CPAMD8: variants seen among roughly 807,000 people sequenced by gnomAD.
CPAMD8 encodes the protein C3 and PZP-like alpha-2-macroglobulin domain-containing protein 8.
Under a neutral mutation model 224.7 loss-of-function variants are expected in CPAMD8, and 146 were observed. That is an observed-to-expected ratio of 0.65 (90% CI 0.57 to 0.75). CPAMD8 has a LOEUF of 0.75. Among genes scored for constraint, CPAMD8 ranks in the 30% least tolerant of loss-of-function variants. The pLI is 0.00. For missense variants in CPAMD8, 2,301 were observed against 2,537.5 expected (o/e 0.91, Z 2.00); for synonymous variants, 966 against 1,044.6 (o/e 0.92, Z 1.45).
At chr19:16,953,068 C>T (rs76243135) in intron 19 of CPAMD8, among the ~76,000 whole-genome samples, 150 of 152,060 alleles carry the variant, frequency 9.9e-4, no homozygotes, top group African/African-American at 3.3e-3. Context: ...TAAACCTTGA[C>T]GACACAGATA....
chr19:16,928,478 C>A (rs1394434029), intron 24 of CPAMD8, among the ~76,000 whole-genome samples: 5 of 152,186 alleles, frequency 3.3e-5, no homozygotes, highest in African/African-American at 1.2e-4. Flanking sequence ...AACCTCTGGA[C>A]CTTTGCACAT....
Position 16,914,654 on chromosome 19 carries a change from C to T in CPAMD8, c.3786+3G>A, listed in dbSNP as rs765882721. ...CGGGAAGGAGGCTCAAGGGGCCACT[C>T]ACCTGGATGTCCTTGTTCAGGACCC... On this transcript the variant is annotated splice_donor_region_variant and intron_variant, in intron 28 of 41. Transcript: ENST00000443236. The T allele has an allele frequency of 4.3e-6, 7 of 1,613,848 alleles. No individual in the cohort carries two copies. Among genetic ancestry groups the T allele is most frequent in the African/African-American group, 1.3e-5 (1 of 74,956 alleles).
chr19:17,011,274 G>A (rs557793588), intron 5 of CPAMD8, among the ~76,000 whole-genome samples, 190 bp downstream of exon 5: 1 of 152,112 alleles, frequency 6.6e-6, no homozygotes, highest in Non-Finnish European at 1.5e-5. Context: ...GGGGCAGTGG[G>A]CCAGGCACGC....
rs752654523 is a variant in CPAMD8, at chr19:16,893,064, C to G, written c.*44G>C. ...GCTGGGTGTGTGGGTATGAATGGTC[C>G]CCAGGACCAAACTGCGGTCCCACAA... On this transcript the variant is annotated 3_prime_UTR_variant, in exon 42 of 42. Transcript: ENST00000443236. 1.2e-4 allele frequency: 108 copies of G among 901,046 alleles called. No individual in the cohort carries two copies. Among genetic ancestry groups the G allele is most frequent in the Non-Finnish European group, 2.0e-4 (106 of 531,150 alleles). The allele number at this position is 901,046 out of a possible 1,614,324, so 55.8% of individuals were successfully genotyped here.
intron 2 of CPAMD8, 56 bp downstream of exon 2, chr19:17,021,974 G>C (rs1193851539): frequency 7.4e-7 from 1 of 1,359,776 alleles, no homozygotes; most frequent in Non-Finnish European, 9.7e-7. Context: ...AGGCCAGCAA[G>C]TGGCTCCACT....
rs1038277871 is a variant in CPAMD8, at chr19:16,899,067, C to T, written c.4848+408G>A. Among the ~76,000 whole-genome samples the T allele has an allele frequency of 6.6e-5, 10 of 152,122 alleles. No homozygotes were observed. Among genetic ancestry groups the T allele is most frequent in the Admixed American group, 2.0e-4 (3 of 15,270 alleles). ...TCCCAAATAGCTGGGATTACAGTAG[C>T]GTGCCATCACACCTGGCTAATTTTT... is the stretch of plus-strand genomic sequence containing the variant. On this transcript the variant is annotated intron_variant, in intron 37 of 41. Coordinates refer to ENST00000443236, the MANE Select transcript of CPAMD8 (RefSeq NM_015692.5). The surrounding 1 kb of genome is among the most constrained non-coding windows in gnomAD (Gnocchi z 5.4).
chr19:16,992,237 C>T (rs553519622), intron 12 of CPAMD8, among the ~76,000 whole-genome samples: 1 of 152,232 alleles, frequency 6.6e-6, no homozygotes, highest in South Asian at 2.1e-4. Context: ...TGTCTGCCTG[C>T]CTGGGCCCGC....
chr19:16,914,374 G>A (rs369980688), intron 29 of CPAMD8, 50 bp downstream of exon 29: 545 of 1,483,602 alleles, frequency 3.7e-4, no homozygotes, highest in Non-Finnish European at 4.9e-4. Context: ...CCTTCCATTT[G>A]CTCCTCCAGT....
intron 11 of CPAMD8, among the ~76,000 whole-genome samples, chr19:16,994,971 C>T (rs1320864023): frequency 6.6e-6 from 1 of 152,154 alleles, no homozygotes; most frequent in African/African-American, 2.4e-5. Flanking sequence ...CCAGCCTAAC[C>T]ACTCCTTTCT....
intron 28 of CPAMD8, 52 bp from the exon 29 acceptor site, chr19:16,914,550 C>A (rs760175629): frequency 1.8e-5 from 29 of 1,606,980 alleles, no homozygotes; most frequent in Non-Finnish European, 2.5e-5. Context: ...CAGTCCACTT[C>A]CCCCCACTTC....
intron 18 of CPAMD8, among the ~76,000 whole-genome samples, chr19:16,958,605 A>G (rs530356540): frequency 1.3e-5 from 2 of 152,294 alleles, no homozygotes; most frequent in Non-Finnish European, 2.9e-5. Flanking sequence ...TCTTTATGGT[A>G]GAATGATTTA....
intron 20 of CPAMD8, among the ~76,000 whole-genome samples, chr19:16,948,079 T>G (rs2054165866): frequency 6.6e-6 from 1 of 152,218 alleles, no homozygotes; most frequent in Non-Finnish European, 1.5e-5. Flanking sequence ...TTGCAGGGTG[T>G]GTGCATGTGC....
At chr19:16,939,914 T>C (rs143294082) in intron 22 of CPAMD8, among the ~76,000 whole-genome samples, 204 of 152,012 alleles carry the variant, frequency 1.3e-3, no homozygotes, top group African/African-American at 4.8e-3. Flanking sequence ...TTTTTTGTTT[T>C]TGTTTTTGTT....
chr19:17,004,525 G>T, intron 7 of CPAMD8, 139 bp from the exon 8 acceptor site: 1 of 612,926 alleles, frequency 1.6e-6, no homozygotes, highest in East Asian at 2.8e-5. Context: ...AGAAGCTGGC[G>T]GGGTCTGTGC....
At chr19:16,988,426 C>A (rs1255550413) in intron 13 of CPAMD8, among the ~76,000 whole-genome samples, 2 of 152,146 alleles carry the variant, frequency 1.3e-5, no homozygotes, top group South Asian at 4.1e-4. Flanking sequence ...GCCTGGCCAA[C>A]ATGGTGAAAC....
chr19:16,920,353 G>A lies in CPAMD8; in HGVS notation c.3629+1552C>T, dbSNP rs1439371263. ...AAAGTAGCCAGGCGTGGTGGCGGGCGCCTGTATTCCCAGCTACTCGGGAGG... is the reference window on the plus strand; with the variant it reads ...AAAGTAGCCAGGCGTGGTGGCGGGCACCTGTATTCCCAGCTACTCGGGAGG... On this transcript the variant is annotated intron_variant, in intron 27 of 41. Transcript: ENST00000443236. Among the ~76,000 whole-genome samples the A allele has an allele frequency of 4.6e-5, 7 of 152,224 alleles. No homozygotes were observed. In the South Asian group the frequency reaches 6.2e-4, roughly 14 times the overall value.
chr19:16,916,442 G>A (rs906285529), intron 27 of CPAMD8, among the ~76,000 whole-genome samples: 4 of 151,874 alleles, frequency 2.6e-5, no homozygotes, highest in Non-Finnish European at 4.4e-5. Context: ...AGTAGAGACG[G>A]GGTTTCACCA....
At chr19:17,018,031 A>T (rs1420256769) in intron 3 of CPAMD8, among the ~76,000 whole-genome samples, 1 of 85,840 alleles carries the variant, frequency 1.2e-5, no homozygotes, top group Non-Finnish European at 2.8e-5. Context: ...AGACTGCTTA[A>T]AAAAAAAAAA....
At position 16,893,063 on chromosome 19, in the gene CPAMD8, C is replaced by A; in HGVS notation, c.*45G>T. The A allele has an allele frequency of 2.3e-6, 2 of 883,686 alleles. No individual in the cohort carries two copies. Among genetic ancestry groups the A allele is most frequent in the South Asian group, 1.3e-5 (1 of 75,758 alleles). 54.7% of individuals were successfully genotyped at this position (883,686 alleles called of 1,614,324 possible). On this transcript the variant is annotated 3_prime_UTR_variant, in exon 42 of 42. Transcript: ENST00000443236. ...AGCTGGGTGTGTGGGTATGAATGGT[C>A]CCCAGGACCAAACTGCGGTCCCACA...
Sources: gnomAD v4.1 joint callset for allele counts (sites outside exome capture counted in the v4.1 genomes callset) on GRCh38, gnomAD v4.1.1 for gene constraint, Gnocchi (gnomAD v3.1) non-coding constraint, MANE v1.5 for transcripts, NCBI Gene and HGNC (gene_info 2026-07-23, HGNC 2026-07-21) for gene names.